OSBPL5: variants seen among roughly 807,000 people sequenced by gnomAD.
The protein encoded by OSBPL5 is oxysterol-binding protein-related protein 5.
Under a neutral mutation model 111.2 loss-of-function variants are expected in OSBPL5, and 71 were observed. The observed-to-expected ratio is 0.64, with a 90% CI of 0.53 to 0.78. OSBPL5 has a LOEUF of 0.78. Ranked by LOEUF, OSBPL5 falls within the 30% of genes least tolerant of loss-of-function variation. The probability of loss-of-function intolerance (pLI) is 0.00; values close to 1 mark genes in which losing one functional copy is unlikely to be tolerated. For synonymous variants in OSBPL5, 549 were observed against 513.9 expected (o/e 1.07, Z -0.93); for missense variants, 1,210 against 1,189.3 (o/e 1.02, Z -0.26).
Position 3,121,692 on chromosome 11 carries a change from C to T in OSBPL5, c.402+305G>A, listed in dbSNP as rs1452020322. 1 of 408,488 alleles carries T rather than the reference C, an allele frequency of 2.4e-6. No individual in the cohort carries two copies. Among genetic ancestry groups the T allele is most frequent in the Non-Finnish European group, 4.5e-6 (1 of 222,630 alleles). The allele number at this position is 408,488 out of a possible 1,614,324, so 25.3% of individuals were successfully genotyped here. On this transcript the variant is annotated intron_variant, in intron 5 of 21. Coordinates refer to ENST00000263650, the MANE Select transcript of OSBPL5 (RefSeq NM_020896.4). This position sits in a 1 kb window ranked among gnomAD's most constrained non-coding sequence, Gnocchi z 4.3. ...AGAGCAATGTCTCCCTCCCCAGCGC[C>T]CTCCGCCCACTGGCCAGGCCCCACC...
In OSBPL5 at chr11:3,161,988, G is replaced by C. The variant is rs1846981034; in HGVS notation, c.-22+3228C>G. ...AGGAGGGGAGAGGGAGGGGAGGGGA[G>C]GGGGAGAGGAGAACAAGGGAAGGGA... On this transcript the variant is annotated intron_variant, in intron 1 of 21. Transcript: ENST00000263650. This position sits in a 1 kb window ranked among gnomAD's most constrained non-coding sequence, Gnocchi z 8.0. 6.6e-6 allele frequency among the ~76,000 whole-genome samples: 1 copy of C among 152,054 alleles called. No individual in the cohort carries two copies. Among genetic ancestry groups the C allele is most frequent in the African/African-American group, 2.4e-5 (1 of 41,394 alleles).
intron 6 of OSBPL5, 100 bp downstream of exon 6, chr11:3,120,321 G>A (rs1858359221): frequency 6.9e-7 from 1 of 1,440,024 alleles, no homozygotes; most frequent in Non-Finnish European, 9.4e-7. Context: ...GGCCCCAAGG[G>A]GGCCATTCAG....
At chr11:3,160,675 C>A in intron 1 of OSBPL5, among the ~76,000 whole-genome samples, 1 of 9,226 alleles carries the variant, frequency 1.1e-4, no homozygotes, top group Non-Finnish European at 2.5e-4. Flanking sequence ...ACAACCCTCC[C>A]CCCCCCCACC....
At chr11:3,163,732 T>G (rs1847033362) in intron 1 of OSBPL5, among the ~76,000 whole-genome samples, 1 of 152,212 alleles carries the variant, frequency 6.6e-6, no homozygotes, top group Admixed American at 6.5e-5. Flanking sequence ...ATCCGGCCTA[T>G]CTGCTGTGTC....
At chr11:3,134,947 G>A (rs1845909869) in intron 1 of OSBPL5, among the ~76,000 whole-genome samples, 1 of 152,210 alleles carries the variant, frequency 6.6e-6, no homozygotes, top group East Asian at 1.9e-4. Flanking sequence ...AGGCTGGAGA[G>A]GGGACGCGGG....
At position 3,141,479 on chromosome 11, in the gene OSBPL5, G is replaced by A. The variant is rs1055649761; in HGVS notation, c.-21-12310C>T. ...ATCTGTCTCTCAGGAAATGGGGGGG[G>A]TCTCAAACAGAAGGACCCCCAATCT... On this transcript the variant is annotated intron_variant, in intron 1 of 21. Transcript: ENST00000263650. The surrounding 1 kb of genome is among the most constrained non-coding windows in gnomAD (Gnocchi z 6.5). Among the ~76,000 whole-genome samples the A allele has an allele frequency of 6.6e-6, 1 of 152,132 alleles. No individual in the cohort carries two copies. Among genetic ancestry groups the A allele is most frequent in the Non-Finnish European group, 1.5e-5 (1 of 68,016 alleles).
Position 3,092,995 on chromosome 11 carries a change from C to T in OSBPL5, c.2004G>A (p.Gln668=), listed in dbSNP as rs776840338. The T allele has an allele frequency of 3.1e-6, 5 of 1,605,410 alleles. No individual in the cohort carries two copies. In the African/African-American group the frequency reaches 6.7e-5, roughly 21 times the overall value. The change falls in exon 18 of 22, where the codon CAG becomes CAA. Residue 668 remains glutamine (Q), a synonymous_variant. Transcript: ENST00000263650. This position sits in a 1 kb window ranked among gnomAD's most constrained non-coding sequence, Gnocchi z 5.4. ...ISKGDQHRAT[Q]EKFALEEAQR... ...GTGCCTCCTCCAGTGCAAACTTCTC[C>T]TGTGTGGCCCTGTGCTGGTCGCCCT... is the stretch of plus-strand genomic sequence containing the variant.
At chr11:3,135,594 A>G (rs60653881) in intron 1 of OSBPL5, among the ~76,000 whole-genome samples, 15,639 of 152,170 alleles carry the variant, frequency 0.1, 2,748 homozygotes, top group African/African-American at 0.36. Flanking sequence ...CTGTGCCCAA[A>G]GCTGCAGAAT....
At chr11:3,112,924 C>T (rs1036133582) in intron 7 of OSBPL5, among the ~76,000 whole-genome samples, 1 of 152,074 alleles carries the variant, frequency 6.6e-6, no homozygotes, top group Non-Finnish European at 1.5e-5. Context: ...GGTTGTGAAA[C>T]AGGTTATCAA....
intron 1 of OSBPL5, among the ~76,000 whole-genome samples, chr11:3,129,559 G>A (rs915596610): frequency 6.6e-6 from 1 of 152,296 alleles, no homozygotes; most frequent in Middle Eastern, 3.4e-3. Context: ...ACAGCACTTT[G>A]TGGTGGGGAG....
intron 1 of OSBPL5, among the ~76,000 whole-genome samples, chr11:3,133,376 A>G (rs1275913646): frequency 6.6e-6 from 1 of 152,208 alleles, no homozygotes; most frequent in East Asian, 1.9e-4. Flanking sequence ...CTGGGATCCC[A>G]CTCAAACTGG....
Position 3,104,136 on chromosome 11 carries a change from G to C in OSBPL5, c.1244+57C>G, listed in dbSNP as rs190887107. 507 of 1,532,492 alleles carry C rather than the reference G, an allele frequency of 3.3e-4. 4 individuals carry two copies. Among genetic ancestry groups the C allele is most frequent in the Non-Finnish European group, 1.5e-4 (167 of 1,128,660 alleles). 94.9% of individuals were successfully genotyped at this position (1,532,492 alleles called of 1,614,324 possible). A position where few individuals can be genotyped will look rare whatever the true frequency, so the allele number is the denominator to read the frequency against. On this transcript the variant is annotated intron_variant, in intron 10 of 21. Coordinates refer to ENST00000263650, the MANE Select transcript of OSBPL5 (RefSeq NM_020896.4). The surrounding 1 kb of genome is among the most constrained non-coding windows in gnomAD (Gnocchi z 5.0). The stretch of plus-strand genomic sequence containing the variant: ...GCAGGTAGGGGCTGGGGGTGCTGCA[G>C]GGTCTCATGCAGATGCAGGACGAGG...
At chr11:3,119,710 G>A (rs1180551230) in intron 6 of OSBPL5, 79 bp from the exon 7 acceptor site, 19 of 1,393,152 alleles carry the variant, frequency 1.4e-5, no homozygotes, top group African/African-American at 6.0e-5. Context: ...AGAACCATGC[G>A]GATCCACACC....
rs1451682772 is a variant in OSBPL5, at chr11:3,142,147, G to A, written c.-21-12978C>T. On this transcript the variant is annotated intron_variant, in intron 1 of 21. Transcript: ENST00000263650. This position sits in a 1 kb window ranked among gnomAD's most constrained non-coding sequence, Gnocchi z 7.1. The stretch of plus-strand genomic sequence containing the variant: ...TTGGCCAGGCTGGTCTCCAACTCCC[G>A]ACCTCAAGTGATCTGCCCTCCTCGG... Among the ~76,000 whole-genome samples, 2 of 152,184 alleles carry A rather than the reference G, an allele frequency of 1.3e-5. No individual in the cohort carries two copies. The highest frequency in any genetic ancestry group is 2.4e-5 in the African/African-American group (1 of 41,450).
rs1378769363 is a variant in OSBPL5 at position 3,162,443 on chromosome 11, C to T, written c.-22+2773G>A. On this transcript the variant is annotated intron_variant, in intron 1 of 21. Coordinates refer to ENST00000263650, the MANE Select transcript of OSBPL5 (RefSeq NM_020896.4). The surrounding 1 kb of genome is among the most constrained non-coding windows in gnomAD (Gnocchi z 8.1). Reference sequence around the variant, plus strand: ...ACCTCAAGCCCTGGTCCTGAGGACACAGCTGGTGCCCACTCCGCTTAGTGT... The same window carrying T: ...ACCTCAAGCCCTGGTCCTGAGGACATAGCTGGTGCCCACTCCGCTTAGTGT... Among the ~76,000 whole-genome samples the T allele has an allele frequency of 6.6e-6, 1 of 152,014 alleles. No homozygotes were observed. The highest frequency in any genetic ancestry group is 1.5e-5 in the Non-Finnish European group (1 of 67,998).
In OSBPL5 at chr11:3,092,947, C is replaced by A; in HGVS notation, c.2052G>T (p.Arg684=). Residue 684 remains arginine (R), a synonymous_variant, in exon 18 of 22, where the codon CGG becomes CGT. Coordinates refer to ENST00000263650, the MANE Select transcript of OSBPL5 (RefSeq NM_020896.4). The surrounding 1 kb of genome is among the most constrained non-coding windows in gnomAD (Gnocchi z 5.4). ...GCTTCCAGGGCATGAGGCTCTCCTG[C>A]CGCTCACGGGCCCGCTGCCGCTGTG... The part of the protein sequence containing the change: ...EEAQRQRARE[R]QESLMPWKPQ... The A allele has an allele frequency of 6.3e-7, 1 of 1,584,456 alleles. No homozygotes were observed. The highest frequency in any genetic ancestry group is 8.6e-7 in the Non-Finnish European group (1 of 1,166,358).
At chr11:3,089,792 G>A (rs1856994314) in intron 21 of OSBPL5, 54 bp downstream of exon 21, 13 of 1,502,948 alleles carry the variant, frequency 8.6e-6, no homozygotes, top group Non-Finnish European at 1.2e-5. Context: ...GCTCTACCAG[G>A]TCTCTCGCAC....
chr11:3,112,759 A>G (rs1226797419), intron 7 of OSBPL5, among the ~76,000 whole-genome samples: 2 of 152,184 alleles, frequency 1.3e-5, no homozygotes, highest in African/African-American at 2.4e-5. Flanking sequence ...ATAGATTTCT[A>G]TAATTTTGTT....
In OSBPL5 at chr11:3,107,799, T is replaced by C. The variant is rs1857761829; in HGVS notation, c.838A>G (p.Thr280Ala). The C allele has an allele frequency of 6.2e-7, 1 of 1,612,488 alleles. No homozygotes were observed. The part of the protein sequence containing the change: ...SSLCGLPASA[T>A]VHPDQDLFPL... ...AACAGGTCTTGGTCTGGGTGGACGGTGGCTGAGGCTGGCAGCCCACAGAGC... is the reference window on the plus strand; with the variant it reads ...AACAGGTCTTGGTCTGGGTGGACGGCGGCTGAGGCTGGCAGCCCACAGAGC... The change falls in exon 8 of 22, where the codon ACC becomes GCC. Residue 280 changes from threonine to alanine, a missense_variant. Transcript: ENST00000263650. This position sits in a 1 kb window ranked among gnomAD's most constrained non-coding sequence, Gnocchi z 6.1.
Sources: allele counts gnomAD v4.1 joint callset (sites outside exome capture counted in the v4.1 genomes callset), GRCh38; gene constraint gnomAD v4.1.1; non-coding constraint Gnocchi (gnomAD v3.1); transcripts MANE v1.5; gene names NCBI Gene and HGNC (gene_info 2026-07-23, HGNC 2026-07-21).